Variants in PACRG observed in about 807,000 individuals in gnomAD.
PACRG encodes the protein parkin coregulated gene protein.
In PACRG, 29 loss-of-function variants were observed where a neutral mutation model predicts 29.7. That is an observed-to-expected ratio of 0.98 (90% CI 0.73 to 1.33). The LOEUF (loss-of-function observed/expected upper bound fraction) is 1.33. Ranked by LOEUF, PACRG falls within the 40% of genes most tolerant of loss-of-function variation. The pLI, the probability that PACRG is intolerant of heterozygous loss-of-function variation, is 0.00. For synonymous variants in PACRG, 116 were observed against 118.7 expected, an observed-to-expected ratio of 0.98 and a Z score of 0.15; for missense variants, 279 against 316.2, an observed-to-expected ratio of 0.88 and a Z score of 0.89.
intron 3 of PACRG, among the ~76,000 whole-genome samples, chr6:163,069,114 C>T (rs1811811866): frequency 6.6e-6 from 1 of 151,986 alleles, no homozygotes; most frequent in African/African-American, 2.4e-5. Context: ...GCTTGCAGTG[C>T]TCCCAGTGCA....
chr6:163,030,064 T>C (rs1279715441), intron 2 of PACRG, among the ~76,000 whole-genome samples: 1 of 152,220 alleles, frequency 6.6e-6, no homozygotes, highest in Non-Finnish European at 1.5e-5. Flanking sequence ...AACCTTTTTA[T>C]CTATTTCATG....
At chr6:162,956,065 T>TA (rs1202274671) in intron 2 of PACRG, among the ~76,000 whole-genome samples, 25 of 152,158 alleles carry the variant, frequency 1.6e-4, no homozygotes, top group Non-Finnish European at 3.4e-4. Context: ...GGCAAGCACA[T>TA]ACCCTGTTGC....
At chr6:162,869,397 T>C (rs1245629725) in intron 2 of PACRG, among the ~76,000 whole-genome samples, 1 of 152,202 alleles carries the variant, frequency 6.6e-6, no homozygotes, top group African/African-American at 2.4e-5. Flanking sequence ...ATTATTAGTT[T>C]TGAGTGTACT....
At chr6:162,914,115 G>T (rs1796513625) in intron 2 of PACRG, among the ~76,000 whole-genome samples, 1 of 151,794 alleles carries the variant, frequency 6.6e-6, no homozygotes, top group African/African-American at 2.4e-5. Context: ...TTTACTTTTG[G>T]TATGCTAATC....
chr6:163,003,968 C>T (rs927207614), intron 2 of PACRG, among the ~76,000 whole-genome samples: 7 of 152,114 alleles, frequency 4.6e-5, no homozygotes, highest in African/African-American at 1.7e-4. Context: ...CTTGGACTTG[C>T]TTAATAGTTG....
At chr6:163,056,774 G>A (rs564278731) in intron 2 of PACRG, among the ~76,000 whole-genome samples, 1 of 152,314 alleles carries the variant, frequency 6.6e-6, no homozygotes, top group South Asian at 2.1e-4. Flanking sequence ...CAACATGGCA[G>A]ATTAGCACCC....
At chr6:162,995,542 C>T (rs146206342) in intron 2 of PACRG, among the ~76,000 whole-genome samples, 3,379 of 152,322 alleles carry the variant, frequency 0.022, 120 homozygotes, top group African/African-American at 0.076. Flanking sequence ...ACTCAGAAAG[C>T]GAACTCCCTG....
chr6:163,077,519 T>C (rs1374848861), intron 3 of PACRG, among the ~76,000 whole-genome samples: 1 of 152,128 alleles, frequency 6.6e-6, no homozygotes, highest in Non-Finnish European at 1.5e-5. Context: ...GAATGAAATA[T>C]GAGAATCCAT....
At chr6:162,891,099 G>A (rs900331344) in intron 2 of PACRG, among the ~76,000 whole-genome samples, 1 of 152,134 alleles carries the variant, frequency 6.6e-6, no homozygotes. Flanking sequence ...TAGGTTTAAC[G>A]ACTAAAGGAC....
At chr6:163,184,770 A>G (rs148805809) in intron 4 of PACRG, 2 of 152,348 alleles carry the variant, frequency 1.3e-5, no homozygotes, top group East Asian at 1.9e-4. Context: ...AGGCATTAAT[A>G]TAAAGAAACC....
chr6:163,175,472 C>T (rs1779301384), intron 4 of PACRG, among the ~76,000 whole-genome samples: 1 of 151,938 alleles, frequency 6.6e-6, no homozygotes, highest in African/African-American at 2.4e-5. Flanking sequence ...CCCCCCCAGC[C>T]ACCTGTGACT....
chr6:163,204,942 C>T (rs967302572), intron 4 of PACRG, among the ~76,000 whole-genome samples: 1 of 152,110 alleles, frequency 6.6e-6, no homozygotes, highest in Non-Finnish European at 1.5e-5. Flanking sequence ...AGCTGAGAGC[C>T]AAATCAAGAA....
chr6:163,264,513 C>A (rs537653483), intron 4 of PACRG, among the ~76,000 whole-genome samples: 1 of 152,154 alleles, frequency 6.6e-6, no homozygotes, highest in African/African-American at 2.4e-5. Context: ...AGGTGCCAGC[C>A]GAAGTCGTTC....
At chr6:163,286,178 T>C (rs1382841329) in intron 4 of PACRG, among the ~76,000 whole-genome samples, 1 of 152,184 alleles carries the variant, frequency 6.6e-6, no homozygotes, top group African/African-American at 2.4e-5. Context: ...TATTCAGTGG[T>C]TTATAAAATC....
At chr6:162,921,280 G>A (rs1475234069) in intron 2 of PACRG, among the ~76,000 whole-genome samples, 2 of 152,152 alleles carry the variant, frequency 1.3e-5, no homozygotes, top group Non-Finnish European at 1.5e-5. Context: ...AGACCGGGGG[G>A]AGCAGTGAGG....
At chr6:163,029,418 G>A (rs1807450614) in intron 2 of PACRG, among the ~76,000 whole-genome samples, 1 of 152,168 alleles carries the variant, frequency 6.6e-6, no homozygotes, top group South Asian at 2.1e-4. Flanking sequence ...TCATGGCCTG[G>A]CTACCTTTTT....
At chr6:163,193,890 C>CT (rs746859009) in intron 4 of PACRG, among the ~76,000 whole-genome samples, 3,602 of 111,474 alleles carry the variant, frequency 0.032, 175 homozygotes, top group African/African-American at 0.098. Flanking sequence ...CTTTTTGTTT[C>CT]TTTTTTTTTT....
chr6:163,181,923 C>T (rs1405544580), intron 4 of PACRG, among the ~76,000 whole-genome samples: 1 of 152,300 alleles, frequency 6.6e-6, no homozygotes, highest in Non-Finnish European at 1.5e-5. Context: ...CCCCAGAATA[C>T]TATTCACAGC....
chr6:162,736,410 G>A (rs1293091225), intron 1 of PACRG, among the ~76,000 whole-genome samples: 1 of 151,614 alleles, frequency 6.6e-6, no homozygotes, highest in East Asian at 1.9e-4. Context: ...TTTAGTTATT[G>A]TTCTCAGTTC....
Sources: gnomAD v4.1 joint callset for allele counts (sites outside exome capture counted in the v4.1 genomes callset) on GRCh38, gnomAD v4.1.1 for gene constraint, MANE v1.5 for transcripts, NCBI Gene and HGNC (gene_info 2026-07-23, HGNC 2026-07-21) for gene names.